EPHA7: variants seen among roughly 807,000 people sequenced by gnomAD.
EPHA7 encodes the protein EPH receptor A7, also known as ephrin type-A receptor 7.
A neutral mutation model predicts 112.6 loss-of-function variants in EPHA7; 25 were observed. The ratio of observed to expected loss-of-function variants is 0.22; its 90% CI spans 0.16 to 0.31. EPHA7 has a LOEUF of 0.31. Ranked by LOEUF, EPHA7 falls within the 10% of genes least tolerant of loss-of-function variation. The pLI is 1.00. For missense variants in EPHA7, 962 were observed against 1,212.6 expected (o/e 0.79, Z 3.07); for synonymous variants, 437 against 406.5 (o/e 1.07, Z -0.90).
At chr6:93,387,989 T>C (rs918274878) in intron 3 of EPHA7, among the ~76,000 whole-genome samples, 1 of 151,408 alleles carries the variant, frequency 6.6e-6, no homozygotes, top group African/African-American at 2.4e-5. Context: ...AATAGATAGA[T>C]AGACACAGAG....
intron 5 of EPHA7, among the ~76,000 whole-genome samples, chr6:93,337,967 A>G (rs1448420134): frequency 6.6e-6 from 1 of 151,980 alleles, no homozygotes; most frequent in African/African-American, 2.4e-5. Flanking sequence ...GGTGAGGAAA[A>G]GAGGGAAGGA....
At chr6:93,260,841 GAGA>G (rs1041084673) in intron 9 of EPHA7, 126 of 659,026 alleles carry the variant, frequency 1.9e-4, no homozygotes, top group Non-Finnish European at 2.3e-4. Flanking sequence ...GGAGAAAAGA[GAGA>G]AGAAGGAGTA....
chr6:93,370,685 T>A (rs1471003224), intron 3 of EPHA7, among the ~76,000 whole-genome samples: 1 of 152,204 alleles, frequency 6.6e-6, no homozygotes, highest in Non-Finnish European at 1.5e-5. Context: ...CCTATTACAT[T>A]TCATATGTCT....
intron 5 of EPHA7, among the ~76,000 whole-genome samples, chr6:93,340,905 C>T (rs1343753598): frequency 1.3e-5 from 2 of 151,838 alleles, no homozygotes; most frequent in Non-Finnish European, 2.9e-5. Context: ...TAAATGCCAT[C>T]ACAATCTATG....
chr6:93,355,096 A>G (rs1775880108), intron 5 of EPHA7, among the ~76,000 whole-genome samples: 1 of 152,200 alleles, frequency 6.6e-6, no homozygotes, highest in South Asian at 2.1e-4. Context: ...ATCTTATGAC[A>G]ACAGCATTTT....
chr6:93,319,415 T>C (rs1338411622), intron 5 of EPHA7, among the ~76,000 whole-genome samples: 1 of 152,040 alleles, frequency 6.6e-6, no homozygotes. Flanking sequence ...ACTTCTGGTG[T>C]GTTTTAAGGA....
intron 5 of EPHA7, among the ~76,000 whole-genome samples, chr6:93,318,074 G>C (rs560812312): frequency 6.6e-6 from 1 of 152,094 alleles, no homozygotes; most frequent in Non-Finnish European, 1.5e-5. Context: ...CTTCTAAAAA[G>C]AAAAAATGTA....
intron 3 of EPHA7, among the ~76,000 whole-genome samples, chr6:93,405,559 T>A (rs351323): frequency 0.15 from 22,730 of 151,206 alleles, 2,046 homozygotes; most frequent in East Asian, 0.3. Context: ...TTATTTGCTA[T>A]GTCCCACATG....
rs554498671 is a variant in EPHA7, at chr6:93,290,814, G to A, written c.1325-18392C>T. ...GCTCTTACGAATGCCCAGTGTCCTA[G>A]CATTTTAAGATTTGTGGCCCAGCAA... is the stretch of plus-strand genomic sequence containing the variant. On this transcript the variant is annotated intron_variant, in intron 5 of 16. Coordinates refer to ENST00000369303, the MANE Select transcript of EPHA7 (RefSeq NM_004440.4). 8.1e-4 allele frequency among the ~76,000 whole-genome samples: 124 copies of A among 152,204 alleles called. 2 individuals are homozygous for A. The highest frequency in any genetic ancestry group is 2.0e-3 in the African/African-American group (84 of 41,538).
In EPHA7 at chr6:93,258,123, G is replaced by A; in HGVS notation, c.2086C>T (p.His696Tyr). The change falls in exon 11 of 17, where the codon CAT becomes TAT. Residue 696 changes from histidine to tyrosine, a missense_variant. By Grantham distance (83) the His-to-Tyr change is moderately conservative (BLOSUM62 2). Coordinates refer to ENST00000369303, the MANE Select transcript of EPHA7 (RefSeq NM_004440.4). ...MGQFDHPNVV[H>Y]LEGVVTRGKP... ...CCTCTTGTAACAACCCCTTCCAAAT[G>A]GACAACATTCGGGTGGTCAAACTGC... The A allele has an allele frequency of 6.2e-7, 1 of 1,613,030 alleles. No homozygotes were observed. The highest frequency in any genetic ancestry group is 8.5e-7 in the Non-Finnish European group (1 of 1,179,544).
intron 3 of EPHA7, among the ~76,000 whole-genome samples, chr6:93,383,552 A>T (rs1328435036): frequency 6.6e-6 from 1 of 152,150 alleles, no homozygotes; most frequent in Non-Finnish European, 1.5e-5. Flanking sequence ...TTAGGATTAC[A>T]TCAAATTACA....
Position 93,272,360 on chromosome 6 carries a change from A to G in EPHA7, c.1387T>C (p.Trp463Arg), listed in dbSNP as rs1231930557. ...CCATTGGGATGCTCTGGTTCCTGCC[A>G]GGAAAGCTCGACACTCCGCTGCAGT... is the stretch of plus-strand genomic sequence containing the variant. ...RVLQRSVELS[W>R]QEPEHPNGVI... Residue 463 changes from tryptophan (W) to arginine (R), a missense_variant, in exon 6 of 17, where the codon TGG (tryptophan) becomes CGG (arginine). Transcript: ENST00000369303. 1.2e-6 allele frequency: 2 copies of G among 1,612,268 alleles called. No homozygotes were observed. Among genetic ancestry groups the G allele is most frequent in the Admixed American group, 1.7e-5 (1 of 59,900 alleles).
intron 3 of EPHA7, among the ~76,000 whole-genome samples, chr6:93,373,893 C>T (rs1453842079): frequency 2.0e-5 from 3 of 151,438 alleles, no homozygotes; most frequent in Non-Finnish European, 2.9e-5. Context: ...TATACTAGTA[C>T]ATAAAGGAAT....
In EPHA7 at chr6:93,254,444, G is replaced by A. The variant is rs575057830; in HGVS notation, c.2532+203C>T. ...CCATAGAATTTATATTATAAAAAGA[G>A]AAAGTGATTATTCAAAATGAAAGCC... On this transcript the variant is annotated intron_variant, in intron 14 of 16. Transcript: ENST00000369303. 5.3e-5 allele frequency among the ~76,000 whole-genome samples: 8 copies of A among 152,168 alleles called. No homozygotes were observed. In the South Asian group the frequency reaches 1.7e-3, roughly 32 times the overall value.
In EPHA7 at chr6:93,385,779, G is replaced by T. The variant is rs572533108; in HGVS notation, c.832+24722C>A. Reference sequence around the variant, plus strand: ...TAGTCTATTTTCATACTGCTGTGAAGAAATACACAAGACTGAGAAATTTAT... The same window carrying T: ...TAGTCTATTTTCATACTGCTGTGAATAAATACACAAGACTGAGAAATTTAT... On this transcript the variant is annotated intron_variant, in intron 3 of 16. Transcript: ENST00000369303. Among the ~76,000 whole-genome samples, 4 of 152,238 alleles carry T rather than the reference G, an allele frequency of 2.6e-5. No homozygotes were observed. The South Asian group carries it at 8.3e-4, about 32-fold the overall frequency.
At chr6:93,295,262 T>C (rs2127842168) in intron 5 of EPHA7, among the ~76,000 whole-genome samples, 1 of 152,188 alleles carries the variant, frequency 6.6e-6, no homozygotes, top group African/African-American at 2.4e-5. Context: ...TATGAAATTT[T>C]CCATTTTTTG....
At chr6:93,314,684 C>T (rs1442800013) in intron 5 of EPHA7, among the ~76,000 whole-genome samples, 1 of 151,910 alleles carries the variant, frequency 6.6e-6, no homozygotes, top group Non-Finnish European at 1.5e-5. Context: ...CTCAAGAAAA[C>T]TGAACTTAGA....
intron 3 of EPHA7, among the ~76,000 whole-genome samples, chr6:93,365,985 T>C (rs377186334): frequency 6.6e-6 from 1 of 152,158 alleles, no homozygotes; most frequent in Non-Finnish European, 1.5e-5. Context: ...GTTTAGAATG[T>C]AAAATGAAAT....
intron 5 of EPHA7, among the ~76,000 whole-genome samples, chr6:93,305,009 A>G (rs1294993798): frequency 6.6e-6 from 1 of 152,076 alleles, no homozygotes; most frequent in Non-Finnish European, 1.5e-5. Context: ...ATCACCTTCT[A>G]AAATACAATG....
Sources: allele counts gnomAD v4.1 joint callset (sites outside exome capture counted in the v4.1 genomes callset), GRCh38; gene constraint gnomAD v4.1.1; transcripts MANE v1.5; gene names NCBI Gene and HGNC (gene_info 2026-07-23, HGNC 2026-07-21).